Variants in ADAMTS17 observed in about 807,000 individuals in gnomAD.
The protein encoded by ADAMTS17 is ADAM metallopeptidase with thrombospondin type 1 motif 17, also known as A disintegrin and metalloproteinase with thrombospondin motifs 17.
ADAMTS17 carries 113 observed loss-of-function variants against 141.5 expected under a neutral mutation model. The observed-to-expected ratio is 0.80, with a 90% CI of 0.69 to 0.93. The LOEUF is 0.93. ADAMTS17 is among the 40% of genes least tolerant of loss of function. The pLI is 0.00. For missense variants in ADAMTS17, 1,659 were observed against 1,517.9 expected (o/e 1.09, Z -1.54); for synonymous variants, 768 against 630.6 (o/e 1.22, Z -3.27).
chr15:100,129,082 G>T (rs1170521734), intron 12 of ADAMTS17: 12 of 152,240 alleles, frequency 7.9e-5, no homozygotes, highest in African/African-American at 2.7e-4. Context: ...AATGTTGACA[G>T]TCTCAGGACA....
At chr15:100,332,441 C>T (rs914322284) in intron 2 of ADAMTS17, among the ~76,000 whole-genome samples, 1 of 152,184 alleles carries the variant, frequency 6.6e-6, no homozygotes, top group South Asian at 2.1e-4. Flanking sequence ...CGTGGGAGGA[C>T]CCCCCACCTG....
chr15:100,114,218 C>T (rs1021879134), intron 13 of ADAMTS17, among the ~76,000 whole-genome samples: 1 of 149,998 alleles, frequency 6.7e-6, no homozygotes, highest in Admixed American at 6.6e-5. Context: ...TACAGCTTCC[C>T]TTCTTTTGAA....
intron 7 of ADAMTS17, among the ~76,000 whole-genome samples, chr15:100,217,470 G>C (rs942558492): frequency 6.6e-6 from 1 of 152,108 alleles, no homozygotes; most frequent in African/African-American, 2.4e-5. Flanking sequence ...GTGGTGGTGG[G>C]TGCCTATATT....
chr15:99,997,284 G>C lies in ADAMTS17; in HGVS notation c.2796+101C>G. The C allele has an allele frequency of 7.5e-7, 1 of 1,330,170 alleles. No homozygotes were observed. The highest frequency in any genetic ancestry group is 1.7e-5 in the Admixed American group (1 of 59,530). The allele number at this position is 1,330,170 out of a possible 1,614,324, so 82.4% of individuals were successfully genotyped here. On this transcript the variant is annotated intron_variant, in intron 19 of 21. Coordinates refer to ENST00000268070, the MANE Select transcript of ADAMTS17 (RefSeq NM_139057.4). The surrounding 1 kb of genome is among the most constrained non-coding windows in gnomAD (Gnocchi z 4.7). ...CTATAACACAACTTCAAGCTGACCT[G>C]GGGGCGAGCGAGGGCTGGGAGGCAC...
intron 14 of ADAMTS17, among the ~76,000 whole-genome samples, chr15:100,105,624 G>T (rs544283159): frequency 1.3e-5 from 2 of 152,192 alleles, no homozygotes; most frequent in Non-Finnish European, 2.9e-5. Flanking sequence ...TAGGTCAAGA[G>T]GGGGTAGAGC....
chr15:100,159,995 A>T (rs2039615395), intron 8 of ADAMTS17, among the ~76,000 whole-genome samples: 1 of 152,160 alleles, frequency 6.6e-6, no homozygotes, highest in Non-Finnish European at 1.5e-5. Flanking sequence ...CAGAGGTTGC[A>T]CTTGCCTGGG....
intron 18 of ADAMTS17, among the ~76,000 whole-genome samples, chr15:100,027,240 T>C (rs1186613157): frequency 6.6e-6 from 1 of 152,246 alleles, no homozygotes; most frequent in African/African-American, 2.4e-5. Context: ...ATTTTCCTGC[T>C]TTCTGTTTTT....
chr15:99,993,154 C>T lies in ADAMTS17; in HGVS notation c.2843G>A (p.Cys948Tyr). Residue 948 changes from cysteine to tyrosine, a missense_variant, in exon 20 of 22, where the codon TGC becomes TAC. By Grantham distance (194) the Cys-to-Tyr change is radical. Transcript: ENST00000268070. This position sits in a 1 kb window ranked among gnomAD's most constrained non-coding sequence, Gnocchi z 4.3. ...GTCGCATTTCCCTTGTGAGTTGGTGCACGCCACGGTCCGTTTCCACACCCC... is the reference window on the plus strand; with the variant it reads ...GTCGCATTTCCCTTGTGAGTTGGTGTACGCCACGGTCCGTTTCCACACCCC... The part of the protein sequence containing the change: ...GKGVWKRTVA[C>Y]TNSQGKCDAS... 6.2e-7 allele frequency: 1 copy of T among 1,614,182 alleles called. No individual in the cohort carries two copies. The highest frequency in any genetic ancestry group is 2.2e-5 in the East Asian group (1 of 44,880).
chr15:100,190,592 C>T (rs1207919727), intron 8 of ADAMTS17, among the ~76,000 whole-genome samples: 2 of 152,322 alleles, frequency 1.3e-5, no homozygotes, highest in Admixed American at 6.5e-5. Flanking sequence ...GGCACAGGGA[C>T]AGCAGGAGGA....
intron 20 of ADAMTS17, chr15:99,979,962 G>A (rs2060450710): frequency 6.6e-6 from 1 of 152,152 alleles, no homozygotes; most frequent in Non-Finnish European, 1.5e-5. Flanking sequence ...CTGCTTCCTG[G>A]GAAAACGGGA....
intron 4 of ADAMTS17, among the ~76,000 whole-genome samples, chr15:100,280,152 C>T (rs76758197): frequency 0.062 from 9,477 of 152,192 alleles, 348 homozygotes; most frequent in Non-Finnish European, 0.086. Flanking sequence ...CCTGATTTCC[C>T]ACCTTGAATT....
At position 100,281,230 on chromosome 15, in the gene ADAMTS17, A is replaced by G; in HGVS notation, c.788T>C (p.Met263Thr). The G allele has an allele frequency of 6.2e-7, 1 of 1,604,616 alleles. No individual in the cohort carries two copies. Among genetic ancestry groups the G allele is most frequent in the Admixed American group, 1.7e-5 (1 of 60,022 alleles). ...TCAGGACCCCGGCTCCGGACTCACC[A>G]TGTTCATGACGGTCAGGATGAACCT... ...AQRFILTVMN[M>T]VYNMFQHQSL... The change falls in exon 4 of 22, where the codon ATG becomes ACG. Residue 263 changes from methionine to threonine, a missense_variant and splice_region_variant. Physicochemically the swap from Met to Thr is moderately conservative, Grantham distance 81. Transcript: ENST00000268070.
At chr15:99,983,064 G>T (rs771308318) in intron 20 of ADAMTS17, among the ~76,000 whole-genome samples, 1 of 152,136 alleles carries the variant, frequency 6.6e-6, no homozygotes, top group African/African-American at 2.4e-5. Flanking sequence ...TAGAGTTTCC[G>T]GCAAAAAGAG....
At chr15:100,309,018 TCAA>T (rs1333212596) in intron 3 of ADAMTS17, among the ~76,000 whole-genome samples, 1 of 152,236 alleles carries the variant, frequency 6.6e-6, no homozygotes, top group Non-Finnish European at 1.5e-5. Flanking sequence ...AGCTACGTTC[TCAA>T]CAACATGGTC....
At chr15:100,336,021 G>A (rs1201346478) in intron 2 of ADAMTS17, among the ~76,000 whole-genome samples, 3 of 152,240 alleles carry the variant, frequency 2.0e-5, no homozygotes, top group African/African-American at 7.2e-5. Context: ...GGCAGCTGCA[G>A]TATTTCAGAG....
chr15:100,278,215 G>A (rs779844689), intron 4 of ADAMTS17, among the ~76,000 whole-genome samples: 1 of 152,050 alleles, frequency 6.6e-6, no homozygotes, highest in Non-Finnish European at 1.5e-5. Context: ...AGTTCTGGAG[G>A]TGGATGGTGG....
At chr15:100,316,429 C>A (rs933852349) in intron 3 of ADAMTS17, among the ~76,000 whole-genome samples, 1 of 152,190 alleles carries the variant, frequency 6.6e-6, no homozygotes, top group East Asian at 1.9e-4. Context: ...GTCTGGGGAG[C>A]CTTCTGTGCA....
intron 3 of ADAMTS17, among the ~76,000 whole-genome samples, chr15:100,329,163 C>T (rs1460392771): frequency 1.3e-5 from 2 of 152,160 alleles, no homozygotes; most frequent in African/African-American, 4.8e-5. Flanking sequence ...CTGAGAACCA[C>T]TGCCGTAGAG....
At chr15:100,233,928 T>C (rs1004417035) in intron 7 of ADAMTS17, among the ~76,000 whole-genome samples, 5 of 152,152 alleles carry the variant, frequency 3.3e-5, no homozygotes, top group African/African-American at 1.2e-4. Flanking sequence ...CTGGGCGCCC[T>C]ACTGTTCTGT....
Sources: gnomAD v4.1 joint callset for allele counts (sites outside exome capture counted in the v4.1 genomes callset) on GRCh38, gnomAD v4.1.1 for gene constraint, Gnocchi (gnomAD v3.1) non-coding constraint, MANE v1.5 for transcripts, NCBI Gene and HGNC (gene_info 2026-07-23, HGNC 2026-07-21) for gene names.